The following ANKRD6 variants were observed in gnomAD, a reference collection of about 807,000 sequenced individuals.
ANKRD6 encodes ankyrin repeat domain-containing protein 6.
Under a neutral mutation model 82.3 loss-of-function variants are expected in ANKRD6, and 56 were observed. The ratio of observed to expected loss-of-function variants is 0.68; its 90% CI spans 0.55 to 0.85. The LOEUF is 0.85. ANKRD6 is among the 40% of genes least tolerant of loss of function. ANKRD6 has a pLI of 0.00. For missense variants in ANKRD6, 852 were observed against 907.6 expected, an observed-to-expected ratio of 0.94 and a Z score of 0.79; for synonymous variants, 347 against 352.1, an observed-to-expected ratio of 0.99 and a Z score of 0.16.
chr6:89,606,168 C>G (rs761893819), intron 5 of ANKRD6, 63 bp downstream of exon 5: 72 of 1,307,474 alleles, frequency 5.5e-5, no homozygotes, highest in Middle Eastern at 5.2e-4. Context: ...GGTTTCTCCC[C>G]CTGTGGGAGC....
At chr6:89,584,048 A>T (rs1362166072) in intron 2 of ANKRD6, among the ~76,000 whole-genome samples, 3 of 152,232 alleles carry the variant, frequency 2.0e-5, no homozygotes, top group African/African-American at 7.2e-5. Flanking sequence ...AACCCAGATT[A>T]TGTGCTAGTA....
At chr6:89,441,620 C>CTTTTTTTTTTTT (rs71556522) in intron 1 of ANKRD6, among the ~76,000 whole-genome samples, 1 of 80,470 alleles carries the variant, frequency 1.2e-5, no homozygotes, top group Non-Finnish European at 2.3e-5. Context: ...CTTTTCTTTC[C>CTTTTTTTTTTTT]TTTTTTTTTT....
rs1379730842 is a variant in ANKRD6, at chr6:89,630,731, A to G, written c.1911A>G (p.Ala637=). ...GPTRHRAQQP[A]ASSTCGQPPP... is the part of the protein sequence containing the mutation. ...CAAGGCATCGTGCCCAGCAACCCGC[A>G]GCCAGCAGCACCTGTGGGCAGCCGC... Residue 637 remains alanine, a synonymous_variant, in exon 16 of 16, where the codon GCA becomes GCG. Transcript: ENST00000339746. 1.9e-6 allele frequency: 3 copies of G among 1,613,904 alleles called. No homozygotes were observed.
chr6:89,627,745 C>A, intron 14 of ANKRD6, 49 bp downstream of exon 14: 1 of 1,560,040 alleles, frequency 6.4e-7, no homozygotes, highest in African/African-American at 1.4e-5. Context: ...ACCACACAGG[C>A]CCACTGAGCT....
chr6:89,594,023 C>G (rs1266563045), intron 2 of ANKRD6, among the ~76,000 whole-genome samples: 1 of 152,220 alleles, frequency 6.6e-6, no homozygotes, highest in Admixed American at 6.5e-5. Context: ...GTTCTGCAAC[C>G]TCCTGGCATT....
chr6:89,580,156 A>C (rs1792165088), intron 2 of ANKRD6, among the ~76,000 whole-genome samples: 1 of 151,778 alleles, frequency 6.6e-6, no homozygotes, highest in Non-Finnish European at 1.5e-5. Flanking sequence ...GAAAGTGAAT[A>C]CTTTAAAAAA....
In ANKRD6 at chr6:89,613,312, G is replaced by A. The variant is rs146783343; in HGVS notation, c.517-480G>A. 2.2e-3 allele frequency among the ~76,000 whole-genome samples: 331 copies of A among 152,276 alleles called. 1 individual carries two copies. In the Middle Eastern group the frequency reaches 0.024, roughly 11 times the overall value. On this transcript the variant is annotated intron_variant, in intron 6 of 15. Transcript: ENST00000339746. ...TGGGATACTCCTTGAACTTCAGGGG[G>A]TACGTGTAATCTTAAGATTTGACAA...
At chr6:89,515,414 C>G (rs1368280250) in intron 1 of ANKRD6, among the ~76,000 whole-genome samples, 1 of 152,184 alleles carries the variant, frequency 6.6e-6, no homozygotes. Flanking sequence ...CTTGCAAGGA[C>G]TTGGGTCTTT....
chr6:89,627,464 G>A (rs893918151), intron 13 of ANKRD6, 119 bp from the exon 14 acceptor site: 2 of 714,366 alleles, frequency 2.8e-6, no homozygotes, highest in Non-Finnish European at 4.7e-6. Context: ...CAGATAAGGG[G>A]TTGAAGTTTG....
intron 1 of ANKRD6, among the ~76,000 whole-genome samples, chr6:89,490,698 C>T (rs1419926040): frequency 6.6e-6 from 1 of 152,170 alleles, no homozygotes; most frequent in Non-Finnish European, 1.5e-5. Context: ...TTCAGCTGGA[C>T]CAAACACAGC....
intron 8 of ANKRD6, chr6:89,616,868 T>C: frequency 1.5e-6 from 1 of 673,572 alleles, no homozygotes; most frequent in South Asian, 1.5e-5. Flanking sequence ...TGGGGCCTGC[T>C]TTTAGCTGCC....
At chr6:89,483,785 T>A (rs1470016038) in intron 1 of ANKRD6, among the ~76,000 whole-genome samples, 2 of 152,236 alleles carry the variant, frequency 1.3e-5, no homozygotes, top group Non-Finnish European at 2.9e-5. Flanking sequence ...CACGTGTATG[T>A]GCATTTACAA....
intron 1 of ANKRD6, among the ~76,000 whole-genome samples, chr6:89,459,968 A>ATAT (rs1183202250): frequency 6.6e-6 from 1 of 152,128 alleles, no homozygotes; most frequent in Non-Finnish European, 1.5e-5. Flanking sequence ...AATTGATTAA[A>ATAT]TATTATCCTT....
chr6:89,538,707 G>A (rs1044992114), intron 1 of ANKRD6, among the ~76,000 whole-genome samples: 1 of 152,124 alleles, frequency 6.6e-6, no homozygotes, highest in African/African-American at 2.4e-5. Context: ...AGTATGGTGG[G>A]AAGTATGGTT....
chr6:89,442,347 G>A (rs1420136432), intron 1 of ANKRD6, among the ~76,000 whole-genome samples: 1 of 152,052 alleles, frequency 6.6e-6, no homozygotes, highest in Non-Finnish European at 1.5e-5. Context: ...AATCAGGCTG[G>A]GTGAGGTGGC....
At chr6:89,621,632 T>G in intron 9 of ANKRD6, 1 of 375,324 alleles carries the variant, frequency 2.7e-6, no homozygotes, top group Non-Finnish European at 5.0e-6. Flanking sequence ...TCTCTGTGCA[T>G]GTAGTTGGCA....
At chr6:89,533,727 A>AGT (rs59064465) in intron 1 of ANKRD6, among the ~76,000 whole-genome samples, 12,503 of 141,938 alleles carry the variant, frequency 0.088, 815 homozygotes, top group African/African-American at 0.18. Flanking sequence ...AGAGAAAATG[A>AGT]GTGTGTGTGT....
chr6:89,539,760 C>A (rs1375344337), intron 1 of ANKRD6, among the ~76,000 whole-genome samples: 1 of 146,862 alleles, frequency 6.8e-6, no homozygotes, highest in African/African-American at 2.6e-5. Flanking sequence ...TTTTTACACC[C>A]ATTAGCCATC....
chr6:89,610,283 C>T (rs1368576859), intron 5 of ANKRD6, among the ~76,000 whole-genome samples: 4 of 152,180 alleles, frequency 2.6e-5, no homozygotes, highest in Non-Finnish European at 5.9e-5. Context: ...TCACCCTCTC[C>T]CAGCCCCGGG....
Sources: gnomAD v4.1 joint callset for allele counts (sites outside exome capture counted in the v4.1 genomes callset) on GRCh38, gnomAD v4.1.1 for gene constraint, MANE v1.5 for transcripts, NCBI Gene and HGNC (gene_info 2026-07-23, HGNC 2026-07-21) for gene names.